Variants in ARHGEF4 observed in about 807,000 individuals in gnomAD.
ARHGEF4 encodes the protein Rho guanine nucleotide exchange factor 4.
Under a neutral mutation model 162.0 loss-of-function variants are expected in ARHGEF4, and 119 were observed. The ratio of observed to expected loss-of-function variants is 0.73; its 90% CI spans 0.63 to 0.86. The LOEUF (loss-of-function observed/expected upper bound fraction) is 0.86. Among genes scored for constraint, ARHGEF4 ranks in the 40% least tolerant of loss-of-function variants. The probability of loss-of-function intolerance (pLI) is 0.00; values close to 1 mark genes in which losing one functional copy is unlikely to be tolerated. For missense variants in ARHGEF4, 2,488 were observed against 2,456.0 expected (o/e 1.01, Z -0.28); for synonymous variants, 1,014 against 979.9 (o/e 1.03, Z -0.65).
intron 1 of ARHGEF4, among the ~76,000 whole-genome samples, chr2:130,883,504 C>T (rs568061223): frequency 2.6e-5 from 4 of 152,154 alleles, no homozygotes; most frequent in Non-Finnish European, 5.9e-5. Flanking sequence ...TCTTTCTTTT[C>T]CTTCCCTTCC....
rs1481420579 is a variant in ARHGEF4, at chr2:130,931,185, A to C, written c.3786A>C (p.Arg1262Ser). The C allele has an allele frequency of 6.2e-7, 1 of 1,614,086 alleles. No individual in the cohort carries two copies. The highest frequency in any genetic ancestry group is 1.3e-5 in the African/African-American group (1 of 75,054). ...VDDLWLEKTQRKKLQKQAHVE... is the reference protein window; with the variant it reads ...VDDLWLEKTQSKKLQKQAHVE... ...ACCTGTGGCTGGAGAAGACACAGAG[A>C]AAGAAGTTGCAGAAGCAGGCCCACG... Residue 1262 changes from arginine (R) to serine (S), a missense_variant, in exon 3 of 14, where the codon AGA (arginine) becomes AGC (serine). By Grantham distance (110) the Arg-to-Ser change is moderately radical (BLOSUM62 -1). Coordinates refer to ENST00000409359, the MANE Select transcript of ARHGEF4 (RefSeq NM_001367493.1).
At chr2:130,943,587 A>G (rs928156254) in intron 3 of ARHGEF4, among the ~76,000 whole-genome samples, 1 of 152,048 alleles carries the variant, frequency 6.6e-6, no homozygotes, top group African/African-American at 2.4e-5. Context: ...GCTTTTAAAT[A>G]TATTTCTTTG....
At chr2:130,883,672 A>C (rs1420863060) in intron 1 of ARHGEF4, among the ~76,000 whole-genome samples, 1 of 152,136 alleles carries the variant, frequency 6.6e-6, no homozygotes, top group Non-Finnish European at 1.5e-5. Flanking sequence ...GCATGTCTGC[A>C]GGGGCAGTGG....
chr2:131,020,228 G>A (rs1689022041), intron 4 of ARHGEF4, among the ~76,000 whole-genome samples: 1 of 151,862 alleles, frequency 6.6e-6, no homozygotes, highest in Admixed American at 6.6e-5. Flanking sequence ...TAGGGTACAT[G>A]TGCACAATGT....
At chr2:130,909,767 G>A (rs1282561556) in intron 1 of ARHGEF4, among the ~76,000 whole-genome samples, 1 of 152,148 alleles carries the variant, frequency 6.6e-6, no homozygotes, top group African/African-American at 2.4e-5. Flanking sequence ...CGGGGTGGCA[G>A]CCAGACCCTG....
chr2:131,014,899 C>T (rs1688680310), intron 4 of ARHGEF4, among the ~76,000 whole-genome samples: 1 of 152,044 alleles, frequency 6.6e-6, no homozygotes, highest in Non-Finnish European at 1.5e-5. Flanking sequence ...GGCTAGAGAC[C>T]CAGGGCAGGA....
rs754018988 is a variant in ARHGEF4 at position 131,044,419 on chromosome 2, C to T, written c.5278C>T (p.Arg1760Trp). 18 of 1,570,980 alleles carry T rather than the reference C, an allele frequency of 1.1e-5. No individual in the cohort carries two copies. The highest frequency in any genetic ancestry group is 4.1e-5 in the African/African-American group (3 of 73,894). ...CCATGTGAGCATCAAGAACGCCTTC[C>T]GGCTGCACCGTGGCGCCACAGGGGA... The part of the protein sequence containing the change: ...DLHVSIKNAF[R>W]LHRGATGDSH... The change falls in exon 12 of 14, where the codon CGG becomes TGG. Residue 1760 changes from arginine to tryptophan, a missense_variant. Coordinates refer to ENST00000409359, the MANE Select transcript of ARHGEF4 (RefSeq NM_001367493.1).
chr2:130,890,104 TG>T (rs1679776138), intron 1 of ARHGEF4, among the ~76,000 whole-genome samples: 1 of 152,220 alleles, frequency 6.6e-6, no homozygotes, highest in African/African-American at 2.4e-5. Context: ...TGAGATTTGT[TG>T]GACTTAAAAA....
intron 1 of ARHGEF4, among the ~76,000 whole-genome samples, chr2:130,847,044 G>T (rs1029167120): frequency 1.1e-4 from 17 of 152,292 alleles, no homozygotes; most frequent in Non-Finnish European, 2.4e-4. Context: ...GAAAGCCTGG[G>T]TGTAATTCTG....
intron 1 of ARHGEF4, among the ~76,000 whole-genome samples, chr2:130,844,147 C>T (rs553598796): frequency 2.6e-5 from 4 of 152,368 alleles, no homozygotes; most frequent in Admixed American, 6.5e-5. Flanking sequence ...TCCCGCTGAG[C>T]GCAACTAGCT....
chr2:131,022,657 CAAAAA>C (rs61532647), intron 4 of ARHGEF4, among the ~76,000 whole-genome samples: 1 of 143,464 alleles, frequency 7.0e-6, no homozygotes. Flanking sequence ...ACACATTATA[CAAAAA>C]AAAAAAAAAC....
At chr2:130,868,220 C>T (rs968393127) in intron 1 of ARHGEF4, among the ~76,000 whole-genome samples, 14 of 152,080 alleles carry the variant, frequency 9.2e-5, no homozygotes, top group African/African-American at 3.4e-4. Flanking sequence ...CCACCACACC[C>T]GGCCAAGGGT....
chr2:131,032,225 C>T (rs994432632), intron 5 of ARHGEF4, among the ~76,000 whole-genome samples: 2 of 151,876 alleles, frequency 1.3e-5, no homozygotes, highest in Admixed American at 6.6e-5. Context: ...GAACAAGAGC[C>T]AGGTCCGGCC....
At chr2:130,866,848 A>G (rs4850129) in intron 1 of ARHGEF4, among the ~76,000 whole-genome samples, 12,434 of 152,092 alleles carry the variant, frequency 0.082, 974 homozygotes, top group African/African-American at 0.2. Flanking sequence ...TTCTTGTAAT[A>G]TCCTTTTTTG....
intron 3 of ARHGEF4, among the ~76,000 whole-genome samples, chr2:130,937,653 G>A (rs536562444): frequency 5.7e-4 from 83 of 146,890 alleles, no homozygotes; most frequent in African/African-American, 1.6e-3. Flanking sequence ...ATACTTTCTT[G>A]TGTCTTTGTA....
At chr2:130,848,485 C>A (rs532242873) in intron 1 of ARHGEF4, among the ~76,000 whole-genome samples, 1 of 152,316 alleles carries the variant, frequency 6.6e-6, no homozygotes, top group East Asian at 1.9e-4. Flanking sequence ...TGTGAGAATT[C>A]AACGAAGGCT....
At chr2:130,958,676 C>G (rs1684445077) in intron 4 of ARHGEF4, among the ~76,000 whole-genome samples, 1 of 151,990 alleles carries the variant, frequency 6.6e-6, no homozygotes, top group Non-Finnish European at 1.5e-5. Flanking sequence ...TCCCAAAGTG[C>G]TGGGATTACA....
chr2:131,039,832 C>A (rs1690622357), intron 6 of ARHGEF4, 184 bp from the exon 7 acceptor site: 4 of 1,410,830 alleles, frequency 2.8e-6, no homozygotes, highest in Non-Finnish European at 3.7e-6. Context: ...GCGTCGGAGT[C>A]GTCATTCCTC....
At chr2:130,891,025 A>C (rs1679833681) in intron 1 of ARHGEF4, among the ~76,000 whole-genome samples, 1 of 152,160 alleles carries the variant, frequency 6.6e-6, no homozygotes. Flanking sequence ...CTTGCTTAGA[A>C]TCTATAGTGA....
Sources: gnomAD v4.1 joint callset for allele counts (sites outside exome capture counted in the v4.1 genomes callset) on GRCh38, gnomAD v4.1.1 for gene constraint, MANE v1.5 for transcripts, NCBI Gene and HGNC (gene_info 2026-07-23, HGNC 2026-07-21) for gene names.